Variants in TVP23A observed in about 807,000 individuals in gnomAD.
The protein encoded by TVP23A is Golgi apparatus membrane protein TVP23 homolog A.
Under a neutral mutation model 31.7 loss-of-function variants are expected in TVP23A, and 21 were observed. That is an observed-to-expected ratio of 0.66 (90% CI 0.47 to 0.95). The LOEUF (loss-of-function observed/expected upper bound fraction) is 0.95, where lower values mean the gene tolerates loss of function less well. Ranked by LOEUF, TVP23A falls within the 40% of genes least tolerant of loss-of-function variation. The probability of loss-of-function intolerance (pLI) is 0.00; values close to 1 mark genes in which losing one functional copy is unlikely to be tolerated. For missense variants in TVP23A, 279 were observed against 255.6 expected, an observed-to-expected ratio of 1.09 and a Z score of -0.62; for synonymous variants, 104 against 96.0, an observed-to-expected ratio of 1.08 and a Z score of -0.49.
chr16:10,797,987 G>T lies in TVP23A; in HGVS notation c.89+20116C>A, dbSNP rs899168920. Among the ~76,000 whole-genome samples the T allele has an allele frequency of 3.9e-4, 41 of 105,454 alleles. No homozygotes were observed. In the East Asian group the frequency reaches 4.6e-3, roughly 12 times the overall value. The allele number at this position is 105,454 out of a possible 152,430, so 69.2% of individuals were successfully genotyped here. A position where few individuals can be genotyped will look rare whatever the true frequency, so the allele number is the denominator to read the frequency against. On this transcript the variant is annotated intron_variant, in intron 2 of 7. Coordinates refer to ENST00000299866, the MANE Select transcript of TVP23A (RefSeq NM_001079512.4). ...TTTTTTTTTTTTGAGATGGAGTCTT[G>T]CTCTGTCTCCCAGGCTGGAGTGCAG...
chr16:10,796,528 G>A (rs1377235623), intron 2 of TVP23A, among the ~76,000 whole-genome samples: 1 of 152,122 alleles, frequency 6.6e-6, no homozygotes, highest in Admixed American at 6.6e-5. Flanking sequence ...TGCCTCCCGG[G>A]TTCACACCAT....
At position 10,770,300 on chromosome 16, in the gene TVP23A, A is replaced by T. The variant is rs1280328737; in HGVS notation, c.614T>A (p.Leu205His). Residue 205 changes from leucine to histidine, a missense_variant, in exon 7 of 8, where the codon CTC becomes CAC. By Grantham distance (99) the Leu-to-His change is moderately conservative. Coordinates refer to ENST00000299866, the MANE Select transcript of TVP23A (RefSeq NM_001079512.4). ...ACPGDFQKPG[L>H]EGLEIHQH is the part of the protein sequence containing the mutation. ...ATGCTGGTGAATCTCCAGCCCCTCG[A>T]GGCCAGGCTTCTGAAAGTCACCTGG... 10 of 1,551,228 alleles carry T rather than the reference A, an allele frequency of 6.4e-6. No individual in the cohort carries two copies. Among genetic ancestry groups the T allele is most frequent in the Non-Finnish European group, 8.7e-6 (10 of 1,147,032 alleles).
chr16:10,786,194 G>T (rs2032740491), intron 2 of TVP23A, among the ~76,000 whole-genome samples: 1 of 152,200 alleles, frequency 6.6e-6, no homozygotes, highest in Admixed American at 6.5e-5. Flanking sequence ...TTAGCTTAGT[G>T]ATATGGGGGC....
At chr16:10,811,701 G>A (rs948195225) in intron 2 of TVP23A, among the ~76,000 whole-genome samples, 5 of 151,958 alleles carry the variant, frequency 3.3e-5, no homozygotes, top group Non-Finnish European at 5.9e-5. Context: ...TCAGGAGATC[G>A]AGACCATCCT....
At chr16:10,795,557 A>T (rs2142993581) in intron 2 of TVP23A, among the ~76,000 whole-genome samples, 1 of 152,098 alleles carries the variant, frequency 6.6e-6, no homozygotes, top group Non-Finnish European at 1.5e-5. Flanking sequence ...GGCCTATCTG[A>T]CACTTAAGAA....
At position 10,770,744 on chromosome 16, in the gene TVP23A, A is replaced by T. The variant is rs140153087; in HGVS notation, c.583-413T>A. On this transcript the variant is annotated intron_variant, in intron 6 of 7. Transcript: ENST00000299866. The stretch of plus-strand genomic sequence containing the variant: ...AAATTAGCCAGGCATGGTGTTATGC[A>T]CCTGTAATCCCAGCTACTTGGGAGG... Among the ~76,000 whole-genome samples, 375 of 151,538 alleles carry T rather than the reference A, an allele frequency of 2.5e-3. 2 individuals are homozygous for T. Among genetic ancestry groups the T allele is most frequent in the African/African-American group, 8.6e-3 (357 of 41,302 alleles).
chr16:10,812,502 G>A (rs573608870), intron 2 of TVP23A, among the ~76,000 whole-genome samples: 3 of 152,316 alleles, frequency 2.0e-5, no homozygotes, highest in South Asian at 4.1e-4. Flanking sequence ...AGGTACAAGT[G>A]TACCCAAGTG....
chr16:10,791,593 G>T (rs1596536392), intron 2 of TVP23A, among the ~76,000 whole-genome samples: 1 of 152,112 alleles, frequency 6.6e-6, no homozygotes, highest in Non-Finnish European at 1.5e-5. Context: ...GTCCAACATG[G>T]AGGCTCCATC....
intron 2 of TVP23A, among the ~76,000 whole-genome samples, chr16:10,803,245 CTGTGTGTGTGTGTGTGTGTGTG>C (rs3040297): frequency 7.4e-6 from 1 of 135,378 alleles, no homozygotes; most frequent in Non-Finnish European, 1.5e-5. Flanking sequence ...GATCGCGCCA[CTGTGTGTGTGTGTGTGTGTGTG>C]TGTGTGTGTG....
chr16:10,777,234 C>T lies in TVP23A; in HGVS notation c.90-2138G>A, dbSNP rs2032094072. ...ACCAGGCAGCTGTGCAAACCAGACC[C>T]AGTACTGCCAGAGCCAAGATTTTCA... On this transcript the variant is annotated intron_variant, in intron 2 of 7. Coordinates refer to ENST00000299866, the MANE Select transcript of TVP23A (RefSeq NM_001079512.4). This position sits in a 1 kb window ranked among gnomAD's most constrained non-coding sequence, Gnocchi z 4.5. Among the ~76,000 whole-genome samples the T allele has an allele frequency of 6.6e-6, 1 of 152,120 alleles. No homozygotes were observed. Among genetic ancestry groups the T allele is most frequent in the African/African-American group, 2.4e-5 (1 of 41,412 alleles).
chr16:10,758,155 A>T, downstream of TVP23A: 1 of 1,070,608 alleles, frequency 9.3e-7, no homozygotes, highest in Non-Finnish European at 1.3e-6. Context: ...GCTGCATCTG[A>T]TGTGGGTCTG....
At chr16:10,793,115 C>G (rs574742643) in intron 2 of TVP23A, among the ~76,000 whole-genome samples, 5 of 152,134 alleles carry the variant, frequency 3.3e-5, no homozygotes, top group Admixed American at 3.3e-4. Flanking sequence ...ATAGCGAAAC[C>G]CTGTCTCTAC....
At chr16:10,778,046 C>G (rs902778938) in intron 2 of TVP23A, among the ~76,000 whole-genome samples, 8 of 151,766 alleles carry the variant, frequency 5.3e-5, no homozygotes, top group Non-Finnish European at 7.4e-5. Context: ...AAGAATTAGA[C>G]AGGATCACCA....
chr16:10,787,054 A>G (rs557062898), intron 2 of TVP23A, among the ~76,000 whole-genome samples: 1 of 152,212 alleles, frequency 6.6e-6, no homozygotes, highest in African/African-American at 2.4e-5. Context: ...GTTCCTCTAC[A>G]AAAAAAGAGG....
At chr16:10,789,799 C>G (rs1381373320) in intron 2 of TVP23A, among the ~76,000 whole-genome samples, 1 of 150,066 alleles carries the variant, frequency 6.7e-6, no homozygotes, top group Admixed American at 6.6e-5. Flanking sequence ...CCACTGCACT[C>G]CAGCCTGGAT....
At chr16:10,816,962 C>T (rs565912769) in intron 2 of TVP23A, among the ~76,000 whole-genome samples, 5 of 144,932 alleles carry the variant, frequency 3.4e-5, no homozygotes, top group East Asian at 4.1e-4. Context: ...CACACACACA[C>T]GTCACCTGAC....
intron 2 of TVP23A, chr16:10,808,727 T>C (rs1462559573): frequency 1.2e-5 from 4 of 338,860 alleles, no homozygotes; most frequent in Non-Finnish European, 2.3e-5. Context: ...CAGTGAGCCA[T>C]GATTACACCA....
rs376191757 is a variant in TVP23A at position 10,798,697 on chromosome 16, C to G, written c.89+19406G>C. On this transcript the variant is annotated intron_variant, in intron 2 of 7. Coordinates refer to ENST00000299866, the MANE Select transcript of TVP23A (RefSeq NM_001079512.4). ...TTTTTGTTTTTGAGATGGAGTCTCA[C>G]TCTGTCGCCAGGCTGGAGTGCAATG... is the stretch of plus-strand genomic sequence containing the variant. Among the ~76,000 whole-genome samples the G allele has an allele frequency of 1.7e-4, 26 of 150,354 alleles. 1 individual carries two copies. Among genetic ancestry groups the G allele is most frequent in the African/African-American group, 6.6e-4 (26 of 39,690 alleles).
At chr16:10,789,973 G>C (rs2033005947) in intron 2 of TVP23A, among the ~76,000 whole-genome samples, 1 of 152,154 alleles carries the variant, frequency 6.6e-6, no homozygotes, top group African/African-American at 2.4e-5. Flanking sequence ...TTGACAATTG[G>C]TTGAGTCTAA....
Sources: gnomAD v4.1 joint callset for allele counts (sites outside exome capture counted in the v4.1 genomes callset) on GRCh38, gnomAD v4.1.1 for gene constraint, Gnocchi (gnomAD v3.1) non-coding constraint, MANE v1.5 for transcripts, NCBI Gene and HGNC (gene_info 2026-07-23, HGNC 2026-07-21) for gene names.